GSK3B: variants seen among roughly 807,000 people sequenced by gnomAD.
GSK3B encodes glycogen synthase kinase-3 beta.
Under a neutral mutation model 56.4 loss-of-function variants are expected in GSK3B, and 15 were observed. The ratio of observed to expected loss-of-function variants is 0.27; its 90% CI spans 0.18 to 0.41. The LOEUF is 0.41. GSK3B is among the 10% of genes least tolerant of loss of function. GSK3B has a pLI of 1.00. For synonymous variants in GSK3B, 181 were observed against 188.9 expected (o/e 0.96, Z 0.34); for missense variants, 300 against 513.4 (o/e 0.58, Z 4.02).
At chr3:120,079,223 G>A (rs968121698) in intron 1 of GSK3B, among the ~76,000 whole-genome samples, 2 of 148,868 alleles carry the variant, frequency 1.3e-5, no homozygotes, top group Admixed American at 1.4e-4. Flanking sequence ...TTACAGACAT[G>A]AGCCACTGCA....
At chr3:119,991,962 A>T (rs2057570464) in intron 2 of GSK3B, among the ~76,000 whole-genome samples, 2 of 152,166 alleles carry the variant, frequency 1.3e-5, no homozygotes, top group African/African-American at 4.8e-5. Context: ...CTTCTGAAAG[A>T]CATAAAAGTA....
At chr3:119,829,952 A>C (rs765372154) in intron 10 of GSK3B, among the ~76,000 whole-genome samples, 12 of 152,232 alleles carry the variant, frequency 7.9e-5, no homozygotes, top group Non-Finnish European at 1.6e-4. Flanking sequence ...CATTCATCAA[A>C]AAAACTTTTG....
At chr3:119,993,027 A>T (rs2057580020) in intron 2 of GSK3B, among the ~76,000 whole-genome samples, 1 of 151,208 alleles carries the variant, frequency 6.6e-6, no homozygotes, top group South Asian at 2.1e-4. Context: ...CAGCTGTAAA[A>T]AGGATGAAAA....
In GSK3B at chr3:119,846,139, A is replaced by G. The variant is rs191545548; in HGVS notation, c.1097-2786T>C. On this transcript the variant is annotated intron_variant, in intron 9 of 10. Coordinates refer to ENST00000264235, the MANE Select transcript of GSK3B (RefSeq NM_001146156.2). ...GGACCCCTTCCTTATACCTTATACA[A>G]AAATTAACTCAAGATGGATTAGAGA... 3.9e-5 allele frequency among the ~76,000 whole-genome samples: 6 copies of G among 152,352 alleles called. No homozygotes were observed. In the South Asian group the frequency reaches 6.2e-4, roughly 16 times the overall value.
intron 3 of GSK3B, among the ~76,000 whole-genome samples, chr3:119,946,430 T>A (rs2057100457): frequency 6.6e-6 from 1 of 152,190 alleles, no homozygotes; most frequent in African/African-American, 2.4e-5. Context: ...TCAAGTATTA[T>A]GGATCTAAGA....
At chr3:119,848,371 C>G (rs908635442) in intron 9 of GSK3B, among the ~76,000 whole-genome samples, 8 of 152,082 alleles carry the variant, frequency 5.3e-5, no homozygotes, top group African/African-American at 9.7e-5. Context: ...ACAGCACACA[C>G]TTTGGCAATT....
At chr3:120,027,200 C>T (rs2107516859) in intron 1 of GSK3B, among the ~76,000 whole-genome samples, 1 of 150,208 alleles carries the variant, frequency 6.7e-6, no homozygotes, top group Admixed American at 6.7e-5. Flanking sequence ...CATGGTGAAG[C>T]CCTGTCTCTA....
At chr3:120,083,089 G>C (rs1000014717) in intron 1 of GSK3B, among the ~76,000 whole-genome samples, 1 of 151,742 alleles carries the variant, frequency 6.6e-6, no homozygotes, top group African/African-American at 2.4e-5. Flanking sequence ...ATACTGCAAG[G>C]GTGAGGGTAT....
At chr3:119,873,838 T>C (rs955271347) in intron 8 of GSK3B, among the ~76,000 whole-genome samples, 2 of 152,080 alleles carry the variant, frequency 1.3e-5, no homozygotes, top group Admixed American at 6.6e-5. Context: ...TATTACATAA[T>C]GCATGTGTAT....
At chr3:119,836,957 A>C (rs186261420) in intron 10 of GSK3B, among the ~76,000 whole-genome samples, 2 of 152,328 alleles carry the variant, frequency 1.3e-5, no homozygotes, top group East Asian at 3.9e-4. Context: ...TGGGTAGAAA[A>C]TCCAATACCC....
Position 119,826,726 on chromosome 3 carries a change from G to T in GSK3B, c.*62C>A. ...AATATTCTTTCCAAACGTGACCAGT[G>T]TTGCTGAGTGACACTCAAGTAACTG... On this transcript the variant is annotated 3_prime_UTR_variant, in exon 11 of 11. Transcript: ENST00000264235. The T allele has an allele frequency of 1.0e-6, 1 of 1,001,126 alleles. No homozygotes were observed. The highest frequency in any genetic ancestry group is 1.6e-6 in the Non-Finnish European group (1 of 619,792). 62.0% of individuals were successfully genotyped at this position (1,001,126 alleles called of 1,614,324 possible). A position where few individuals can be genotyped will look rare whatever the true frequency, so the allele number is the denominator to read the frequency against.
intron 1 of GSK3B, among the ~76,000 whole-genome samples, chr3:120,067,355 G>A (rs999513000): frequency 3.3e-5 from 5 of 151,964 alleles, no homozygotes; most frequent in Admixed American, 1.3e-4. Flanking sequence ...ACTGTAAACT[G>A]GAAATATTGT....
At chr3:119,869,237 A>AAAAAC (rs1553726308) in intron 8 of GSK3B, among the ~76,000 whole-genome samples, 10 of 142,080 alleles carry the variant, frequency 7.0e-5, no homozygotes, top group South Asian at 6.3e-4. Context: ...AAAAAAAAAA[A>AAAAAC]AAAAAAAAAC....
At chr3:119,914,696 G>A (rs1013829014) in intron 5 of GSK3B, among the ~76,000 whole-genome samples, 2 of 152,018 alleles carry the variant, frequency 1.3e-5, no homozygotes, top group Admixed American at 1.3e-4. Flanking sequence ...ACAGTAAAAT[G>A]AGGACAGTCT....
At chr3:119,958,512 C>T (rs1480549482) in intron 2 of GSK3B, among the ~76,000 whole-genome samples, 3 of 151,828 alleles carry the variant, frequency 2.0e-5, no homozygotes, top group African/African-American at 7.3e-5. Flanking sequence ...TGCATCTCTA[C>T]AAAAAATAAA....
chr3:120,030,866 G>A (rs2057969443), intron 1 of GSK3B, among the ~76,000 whole-genome samples: 1 of 152,180 alleles, frequency 6.6e-6, no homozygotes, highest in South Asian at 2.1e-4. Context: ...TCTTCTGTAT[G>A]AATCAAAAAC....
At chr3:119,889,957 T>C (rs76781698) in intron 7 of GSK3B, among the ~76,000 whole-genome samples, 2,476 of 152,192 alleles carry the variant, frequency 0.016, 65 homozygotes, top group African/African-American at 0.056. Context: ...CATTTCCTAA[T>C]GATAAAAGTC....
chr3:119,869,117 G>A (rs978100130), intron 8 of GSK3B, among the ~76,000 whole-genome samples: 1 of 150,180 alleles, frequency 6.7e-6, no homozygotes, highest in African/African-American at 2.5e-5. Flanking sequence ...CCAGCTACTC[G>A]GGAGGCTGAG....
At chr3:120,030,831 T>C (rs1304159150) in intron 1 of GSK3B, among the ~76,000 whole-genome samples, 4 of 152,216 alleles carry the variant, frequency 2.6e-5, no homozygotes, top group Non-Finnish European at 5.9e-5. Context: ...CACAATAATG[T>C]CCTGAGCATA....
Sources: allele counts gnomAD v4.1 joint callset (sites outside exome capture counted in the v4.1 genomes callset), GRCh38; gene constraint gnomAD v4.1.1; transcripts MANE v1.5; gene names NCBI Gene and HGNC (gene_info 2026-07-23, HGNC 2026-07-21).